AKT3: variants seen among roughly 807,000 people sequenced by gnomAD.
AKT3 encodes the protein AKT serine/threonine kinase 3, also known as RAC-gamma serine/threonine-protein kinase.
A neutral mutation model predicts 65.3 loss-of-function variants in AKT3; 15 were observed. The ratio of observed to expected loss-of-function variants is 0.23; its 90% CI spans 0.15 to 0.35. AKT3 has a LOEUF of 0.35. AKT3 is among the 10% of genes least tolerant of loss of function. The pLI is 1.00. For missense variants in AKT3, 243 were observed against 576.5 expected, an observed-to-expected ratio of 0.42 and a Z score of 5.92; for synonymous variants, 206 against 183.8, an observed-to-expected ratio of 1.12 and a Z score of -0.98.
intron 2 of AKT3, among the ~76,000 whole-genome samples, chr1:243,798,141 C>T (rs907035245): frequency 3.4e-5 from 5 of 148,922 alleles, no homozygotes; most frequent in African/African-American, 1.3e-4. Flanking sequence ...CTCGGCCTCC[C>T]AAAGTGCTGG....
At chr1:243,544,172 C>T (rs1228810312) in intron 12 of AKT3, among the ~76,000 whole-genome samples, 1 of 133,098 alleles carries the variant, frequency 7.5e-6, no homozygotes, top group Non-Finnish European at 1.5e-5. Flanking sequence ...TCATAGTAAA[C>T]ATTTTATACA....
At chr1:243,834,128 C>A (rs1482252415) in intron 2 of AKT3, among the ~76,000 whole-genome samples, 1 of 152,014 alleles carries the variant, frequency 6.6e-6, no homozygotes, top group Admixed American at 6.5e-5. Context: ...TAAAACAGAA[C>A]TACCATTAGA....
chr1:243,609,928 C>A, intron 8 of AKT3, among the ~76,000 whole-genome samples: 1 of 152,060 alleles, frequency 6.6e-6, no homozygotes, highest in Non-Finnish European at 1.5e-5. Context: ...CTCATCCCAC[C>A]AAAGTCCCAC....
intron 3 of AKT3, chr1:243,687,988 T>C (rs572290890): frequency 1.6e-3 from 242 of 152,260 alleles, no homozygotes; most frequent in African/African-American, 5.7e-3. Flanking sequence ...TAACTTTCCA[T>C]TTGTCTAAAA....
chr1:243,594,966 A>G (rs1488140966), intron 8 of AKT3, among the ~76,000 whole-genome samples: 1 of 152,252 alleles, frequency 6.6e-6, no homozygotes, highest in African/African-American at 2.4e-5. Flanking sequence ...AGCTCACAGC[A>G]TACATAAAAA....
At chr1:243,804,320 TA>T (rs1692580386) in intron 2 of AKT3, among the ~76,000 whole-genome samples, 1 of 152,208 alleles carries the variant, frequency 6.6e-6, no homozygotes, top group Non-Finnish European at 1.5e-5. Flanking sequence ...TAAATTACTG[TA>T]ACAAAACTTT....
At chr1:243,530,677 C>T (rs964248701) in intron 12 of AKT3, among the ~76,000 whole-genome samples, 3 of 151,954 alleles carry the variant, frequency 2.0e-5, no homozygotes, top group East Asian at 1.9e-4. Flanking sequence ...AAAATCAGAG[C>T]GGAATTGAAG....
intron 2 of AKT3, among the ~76,000 whole-genome samples, chr1:243,822,763 G>C (rs1226724026): frequency 6.6e-6 from 1 of 152,122 alleles, no homozygotes; most frequent in Non-Finnish European, 1.5e-5. Context: ...GACCAATACA[G>C]GTTCTGAAAT....
chr1:243,753,191 C>G (rs138007196), intron 2 of AKT3, among the ~76,000 whole-genome samples: 1 of 152,266 alleles, frequency 6.6e-6, no homozygotes, highest in African/African-American at 2.4e-5. Flanking sequence ...ATGCCTAAAC[C>G]TTTTTAAAAG....
intron 2 of AKT3, chr1:243,794,420 A>G (rs1455532729): frequency 3.3e-5 from 5 of 152,392 alleles, no homozygotes; most frequent in Middle Eastern, 3.4e-3. Context: ...CTAATGAAAC[A>G]TATTTTAAAG....
chr1:243,664,268 C>T (rs112391543), intron 4 of AKT3, among the ~76,000 whole-genome samples: 1 of 133,986 alleles, frequency 7.5e-6, no homozygotes, highest in Non-Finnish European at 1.5e-5. Context: ...GCAATCTCGG[C>T]TCACTGCAAG....
In AKT3 at chr1:243,740,619, T is replaced by C. The variant is rs1688094781; in HGVS notation, c.47-44903A>G. On this transcript the variant is annotated intron_variant, in intron 2 of 13. Transcript: ENST00000673466. ...CACTCATTAGCTTACCTGTTGTCTA[T>C]GGCTGTTTTCTTGCATCACAATCAC... 2.0e-5 allele frequency: 3 copies of C among 152,274 alleles called. No homozygotes were observed. In the South Asian group the frequency reaches 6.2e-4, roughly 31 times the overall value. 9.4% of individuals were successfully genotyped at this position (152,274 alleles called of 1,614,324 possible).
chr1:243,649,313 A>G (rs943700704), intron 4 of AKT3, among the ~76,000 whole-genome samples: 62 of 146,022 alleles, frequency 4.2e-4, no homozygotes, highest in Middle Eastern at 3.5e-3. Context: ...TTATGTGTAT[A>G]TGTGTGTGTG....
At chr1:243,579,684 GGTTT>G (rs1675194708) in intron 8 of AKT3, among the ~76,000 whole-genome samples, 1 of 152,068 alleles carries the variant, frequency 6.6e-6, no homozygotes, top group Non-Finnish European at 1.5e-5. Flanking sequence ...TCAAGAAAAA[GGTTT>G]GTCTAAAGAA....
chr1:243,653,044 AAATC>A (rs968777837), intron 4 of AKT3, among the ~76,000 whole-genome samples: 2 of 152,102 alleles, frequency 1.3e-5, no homozygotes, highest in Non-Finnish European at 2.9e-5. Flanking sequence ...TTCAAAAAAA[AAATC>A]AATGAATCCA....
intron 6 of AKT3, among the ~76,000 whole-genome samples, chr1:243,622,080 T>C (rs1678797982): frequency 6.6e-6 from 1 of 152,200 alleles, no homozygotes; most frequent in African/African-American, 2.4e-5. Context: ...TCCCACTTCA[T>C]TCACAGTAAA....
At chr1:243,728,144 T>A (rs1303627755) in intron 2 of AKT3, among the ~76,000 whole-genome samples, 1 of 152,214 alleles carries the variant, frequency 6.6e-6, no homozygotes, top group Non-Finnish European at 1.5e-5. Flanking sequence ...TGATTGTTCA[T>A]CACAGCAAAC....
chr1:243,583,514 C>T (rs760014258), intron 8 of AKT3, among the ~76,000 whole-genome samples: 1 of 141,122 alleles, frequency 7.1e-6, no homozygotes, highest in African/African-American at 2.7e-5. Context: ...CAAGACTGAC[C>T]ACATGCTCGT....
At chr1:243,564,882 T>C (rs1674040550) in intron 9 of AKT3, among the ~76,000 whole-genome samples, 1 of 152,206 alleles carries the variant, frequency 6.6e-6, no homozygotes, top group African/African-American at 2.4e-5. Context: ...CTTAATGTGA[T>C]GACATTTGAA....
Sources: allele counts gnomAD v4.1 joint callset (sites outside exome capture counted in the v4.1 genomes callset), GRCh38; gene constraint gnomAD v4.1.1; transcripts MANE v1.5; gene names NCBI Gene and HGNC (gene_info 2026-07-23, HGNC 2026-07-21).